PLXNA4: variants seen among roughly 807,000 people sequenced by gnomAD.
The protein encoded by PLXNA4 is plexin-A4.
Under a neutral mutation model 191.8 loss-of-function variants are expected in PLXNA4, and 44 were observed. That is an observed-to-expected ratio of 0.23 (90% CI 0.18 to 0.29). PLXNA4 has a LOEUF of 0.29. PLXNA4 is among the 10% of genes least tolerant of loss of function. The pLI, the probability that PLXNA4 is intolerant of heterozygous loss-of-function variation, is 1.00. For synonymous variants in PLXNA4, 1,082 were observed against 1,009.5 expected, an observed-to-expected ratio of 1.07 and a Z score of -1.36; for missense variants, 1,800 against 2,488.8, an observed-to-expected ratio of 0.72 and a Z score of 5.89.
At chr7:132,362,938 C>T (rs979117460) in intron 3 of PLXNA4, among the ~76,000 whole-genome samples, 3 of 152,192 alleles carry the variant, frequency 2.0e-5, no homozygotes, top group African/African-American at 7.2e-5. Flanking sequence ...TCATTAAGTA[C>T]ATTCACACTG....
Position 132,125,678 on chromosome 7 carries a change from GGCA to G in PLXNA4, c.*4798_*4800del, listed in dbSNP as rs1794749823. ...CTCCCAGTCACCTGTCCTGAGAGCT[GGCA>G]GGAAGAGGGGAAGAGGCCCTTGATG... On this transcript the variant is annotated 3_prime_UTR_variant, in exon 32 of 32. Transcript: ENST00000321063. 3 of 152,100 alleles carry G rather than the reference GGCA, an allele frequency of 2.0e-5. No individual in the cohort carries two copies. Among genetic ancestry groups the G allele is most frequent in the Admixed American group, 1.3e-4 (2 of 15,266 alleles). 9.4% of individuals were successfully genotyped at this position (152,100 alleles called of 1,614,324 possible).
intron 3 of PLXNA4, among the ~76,000 whole-genome samples, chr7:132,394,060 C>T (rs1793638801): frequency 6.6e-6 from 1 of 151,372 alleles, no homozygotes; most frequent in Non-Finnish European, 1.5e-5. Context: ...TGGGAGTTTG[C>T]CTGGCTAGCA....
intron 1 of PLXNA4, among the ~76,000 whole-genome samples, chr7:132,566,182 G>C (rs1389176278): frequency 1.3e-5 from 2 of 152,100 alleles, no homozygotes. Flanking sequence ...AGCATGGGGG[G>C]GCTCTATAAT....
intron 3 of PLXNA4, among the ~76,000 whole-genome samples, chr7:132,306,226 T>A (rs1436035131): frequency 1.3e-5 from 2 of 151,914 alleles, no homozygotes; most frequent in African/African-American, 4.8e-5. Flanking sequence ...TGGAAGGAGA[T>A]CCCTTGCAAC....
intron 9 of PLXNA4, among the ~76,000 whole-genome samples, chr7:132,219,226 C>A (rs985291559): frequency 6.6e-6 from 1 of 152,184 alleles, no homozygotes; most frequent in Non-Finnish European, 1.5e-5. Context: ...GAGAGTGGGC[C>A]TTGGGCTGGA....
At chr7:132,416,596 A>G (rs1273236216) in intron 3 of PLXNA4, among the ~76,000 whole-genome samples, 1 of 152,228 alleles carries the variant, frequency 6.6e-6, no homozygotes, top group East Asian at 1.9e-4. Flanking sequence ...TCTTCACACT[A>G]TTATGACTCC....
At chr7:132,585,452 T>C (rs1802490516) in intron 2 of PLXNA4, among the ~76,000 whole-genome samples, 1 of 152,040 alleles carries the variant, frequency 6.6e-6, no homozygotes, top group Non-Finnish European at 1.5e-5. Context: ...ATAATGTGAG[T>C]TCTGAAAAAC....
At chr7:132,259,327 T>A (rs1180244579) in intron 4 of PLXNA4, among the ~76,000 whole-genome samples, 1 of 150,100 alleles carries the variant, frequency 6.7e-6, no homozygotes, top group African/African-American at 2.4e-5. Flanking sequence ...TCCCAGCTAC[T>A]TGGGAGGCTG....
At chr7:132,178,536 G>C (rs1796552530) in intron 20 of PLXNA4, among the ~76,000 whole-genome samples, 1 of 152,246 alleles carries the variant, frequency 6.6e-6, no homozygotes, top group Non-Finnish European at 1.5e-5. Flanking sequence ...AGGAGACCTT[G>C]GCCTCTCTGG....
chr7:132,325,056 C>T (rs1309144447), intron 3 of PLXNA4, among the ~76,000 whole-genome samples: 1 of 152,170 alleles, frequency 6.6e-6, no homozygotes, highest in Admixed American at 6.5e-5. Context: ...ACGCATCAGA[C>T]ACCTGCCCCC....
rs13438664 is a variant in PLXNA4 at position 132,223,752 on chromosome 7, G to A, written c.1983-111C>T. On this transcript the variant is annotated intron_variant, in intron 8 of 31. Coordinates refer to ENST00000321063, the MANE Select transcript of PLXNA4 (RefSeq NM_020911.2). Reference sequence around the variant, plus strand: ...ATTTTTAGTATTAAGAGAAACCACCGTTGAATGTGCAGGAAGGGCAGATCT... The same window carrying A: ...ATTTTTAGTATTAAGAGAAACCACCATTGAATGTGCAGGAAGGGCAGATCT... 2,250 of 791,134 alleles carry A rather than the reference G, an allele frequency of 2.8e-3. 41 individuals carry two copies. The African/African-American group carries it at 0.034, about 12-fold the overall frequency. 49.0% of individuals were successfully genotyped at this position (791,134 alleles called of 1,614,324 possible).
rs768559190 is a variant in PLXNA4 at position 132,508,445 on chromosome 7, C to A, written c.249G>T (p.Thr83=). The A allele has an allele frequency of 6.2e-7, 1 of 1,614,194 alleles. No homozygotes were observed. Among genetic ancestry groups the A allele is most frequent in the Non-Finnish European group, 8.5e-7 (1 of 1,180,040 alleles). Residue 83 remains threonine, a synonymous_variant, in exon 2 of 32, where the codon ACG becomes ACT. Transcript: ENST00000321063. The surrounding 1 kb of genome is among the most constrained non-coding windows in gnomAD (Gnocchi z 4.4). ...TGTCCTCGTCCGGCCCTGTCTCATGCGTCACCAAGACCTTCAGGTCGCTGG... is the reference window on the plus strand; with the variant it reads ...TGTCCTCGTCCGGCCCTGTCTCATGAGTCACCAAGACCTTCAGGTCGCTGG... ...KLSSDLKVLV[T]HETGPDEDNP... is the part of the protein sequence containing the mutation.
intron 4 of PLXNA4, among the ~76,000 whole-genome samples, chr7:132,273,644 A>G (rs1288545471): frequency 3.3e-5 from 5 of 152,164 alleles, no homozygotes; most frequent in Non-Finnish European, 7.3e-5. Flanking sequence ...GTTGACTGAG[A>G]ACCTAGGACT....
At chr7:132,471,845 C>A (rs1463727964) in intron 3 of PLXNA4, among the ~76,000 whole-genome samples, 2 of 152,186 alleles carry the variant, frequency 1.3e-5, no homozygotes, top group Non-Finnish European at 2.9e-5. Context: ...CAAGAACAAA[C>A]AAGCAGGGCC....
intron 30 of PLXNA4, among the ~76,000 whole-genome samples, chr7:132,136,127 C>T (rs1795105872): frequency 1.3e-5 from 2 of 152,164 alleles, no homozygotes; most frequent in African/African-American, 2.4e-5. Context: ...CTCCCACTCC[C>T]TAGCCAGCAC....
At chr7:132,188,973 GGAAAGGAAAGGAAAGGAAAGGAGAGA>G (rs1487306114) in intron 14 of PLXNA4, among the ~76,000 whole-genome samples, 27 of 57,428 alleles carry the variant, frequency 4.7e-4, no homozygotes, top group African/African-American at 1.2e-3. Flanking sequence ...GGAAAGGAAA[GGAAAGGAAAGGAAAGGAAAGGAGAGA>G]GAGAGAGAGA....
At chr7:132,399,550 G>A (rs187788836) in intron 3 of PLXNA4, among the ~76,000 whole-genome samples, 12 of 152,314 alleles carry the variant, frequency 7.9e-5, no homozygotes, top group African/African-American at 1.2e-4. Flanking sequence ...TGGGGGAGGC[G>A]GGACCACACT....
chr7:132,258,320 T>C (rs1247865016), intron 4 of PLXNA4, among the ~76,000 whole-genome samples: 2 of 152,276 alleles, frequency 1.3e-5, no homozygotes, highest in African/African-American at 4.8e-5. Flanking sequence ...TAGCTTTGCA[T>C]GCCTCAGCTC....
At chr7:132,605,629 ACCACCACCC>A (rs2116845994) in intron 2 of PLXNA4, among the ~76,000 whole-genome samples, 1 of 151,904 alleles carries the variant, frequency 6.6e-6, no homozygotes, top group East Asian at 1.9e-4. Flanking sequence ...AAATTGTGTC[ACCACCACCC>A]CCACCCCTCA....
Sources: gnomAD v4.1 joint callset for allele counts (sites outside exome capture counted in the v4.1 genomes callset) on GRCh38, gnomAD v4.1.1 for gene constraint, Gnocchi (gnomAD v3.1) non-coding constraint, MANE v1.5 for transcripts, NCBI Gene and HGNC (gene_info 2026-07-23, HGNC 2026-07-21) for gene names.